The following GPR158 variants were observed in gnomAD, a reference collection of about 807,000 sequenced individuals.
GPR158 encodes the protein metabotropic glycine receptor.
A neutral mutation model predicts 78.2 loss-of-function variants in GPR158; 30 were observed. The observed-to-expected ratio is 0.38, with a 90% CI of 0.29 to 0.52. GPR158 has a LOEUF of 0.52. Ranked by LOEUF, GPR158 falls within the 20% of genes least tolerant of loss-of-function variation. GPR158 has a pLI of 0.83. For missense variants in GPR158, 1,463 were observed against 1,523.5 expected, an observed-to-expected ratio of 0.96 and a Z score of 0.66; for synonymous variants, 581 against 591.1, an observed-to-expected ratio of 0.98 and a Z score of 0.25.
chr10:25,429,015 G>A (rs1165193864), intron 4 of GPR158, among the ~76,000 whole-genome samples: 1 of 151,922 alleles, frequency 6.6e-6, no homozygotes, highest in African/African-American at 2.4e-5. Flanking sequence ...AAATCAGCAT[G>A]GCCAATGGAA....
intron 4 of GPR158, among the ~76,000 whole-genome samples, chr10:25,417,271 C>T (rs569328998): frequency 2.0e-5 from 3 of 152,280 alleles, no homozygotes; most frequent in African/African-American, 7.2e-5. Context: ...AAATACAGCA[C>T]AGGCAAATCA....
chr10:25,580,575 A>G (rs1254021377), intron 7 of GPR158, among the ~76,000 whole-genome samples: 1 of 152,234 alleles, frequency 6.6e-6, no homozygotes, highest in Non-Finnish European at 1.5e-5. Flanking sequence ...TATAAGTGCC[A>G]TTTAATGAAT....
At chr10:25,441,005 T>C (rs953761628) in intron 4 of GPR158, among the ~76,000 whole-genome samples, 7 of 152,118 alleles carry the variant, frequency 4.6e-5, no homozygotes, top group African/African-American at 1.7e-4. Context: ...ATAAAAAGGA[T>C]AGGGAAGCAA....
intron 4 of GPR158, among the ~76,000 whole-genome samples, chr10:25,436,199 A>G (rs112839287): frequency 0.012 from 1,898 of 152,342 alleles, 37 homozygotes; most frequent in African/African-American, 0.043. Context: ...CCGGTGTTAC[A>G]TGAGACATGT....
chr10:25,278,408 G>A (rs1854216698), intron 2 of GPR158, among the ~76,000 whole-genome samples: 1 of 152,010 alleles, frequency 6.6e-6, no homozygotes, highest in Non-Finnish European at 1.5e-5. Context: ...AAAAATATGA[G>A]CGATTAAGAT....
chr10:25,428,636 T>C (rs1386486109), intron 4 of GPR158, among the ~76,000 whole-genome samples: 1 of 152,088 alleles, frequency 6.6e-6, no homozygotes, highest in Non-Finnish European at 1.5e-5. Flanking sequence ...ATATCCTATG[T>C]GTATTTGAAG....
intron 7 of GPR158, among the ~76,000 whole-genome samples, chr10:25,577,043 T>A (rs1368235675): frequency 6.6e-6 from 1 of 151,702 alleles, no homozygotes; most frequent in African/African-American, 2.4e-5. Context: ...TCTTAAGACA[T>A]CTGAGACATG....
intron 2 of GPR158, among the ~76,000 whole-genome samples, chr10:25,290,802 A>T (rs1854424393): frequency 6.6e-6 from 1 of 152,084 alleles, no homozygotes; most frequent in Admixed American, 6.5e-5. Flanking sequence ...TAGATAACTA[A>T]CTGTTACATT....
chr10:25,417,549 T>G (rs1384247113), intron 4 of GPR158, among the ~76,000 whole-genome samples: 1 of 152,198 alleles, frequency 6.6e-6, no homozygotes, highest in Non-Finnish European at 1.5e-5. Flanking sequence ...ATCCTTCATA[T>G]AAACTTTTAT....
chr10:25,366,546 A>T (rs1283163209), intron 2 of GPR158, among the ~76,000 whole-genome samples: 2 of 151,692 alleles, frequency 1.3e-5, no homozygotes, highest in African/African-American at 4.8e-5. Context: ...TAATTACCTC[A>T]CGTATATATC....
Position 25,213,723 on chromosome 10 carries a change from C to T in GPR158, c.903-7329C>T, listed in dbSNP as rs376603009. Among the ~76,000 whole-genome samples, 22 of 152,116 alleles carry T rather than the reference C, an allele frequency of 1.4e-4. No homozygotes were observed. In the East Asian group the frequency reaches 2.7e-3, roughly 19 times the overall value. On this transcript the variant is annotated intron_variant, in intron 1 of 10. Transcript: ENST00000376351. ...AATTCGTATATAAAGCCATCTAGGC[C>T]TGAAGTTTTCAGGGAAGGGAATGAT...
chr10:25,262,233 T>A (rs180757333), intron 2 of GPR158, among the ~76,000 whole-genome samples: 2 of 152,292 alleles, frequency 1.3e-5, no homozygotes, highest in African/African-American at 4.8e-5. Flanking sequence ...AGTGGAGGTC[T>A]GGAATGCTTT....
intron 1 of GPR158, among the ~76,000 whole-genome samples, chr10:25,212,361 G>A (rs934887326): frequency 6.6e-6 from 1 of 152,062 alleles, no homozygotes; most frequent in African/African-American, 2.4e-5. Context: ...TGGACAACCG[G>A]AACTTACGAG....
chr10:25,352,083 C>T (rs1855481313), intron 2 of GPR158, among the ~76,000 whole-genome samples: 1 of 151,960 alleles, frequency 6.6e-6, no homozygotes. Flanking sequence ...ATCAGAAACC[C>T]CTGCAACCTC....
intron 2 of GPR158, among the ~76,000 whole-genome samples, chr10:25,324,827 C>CTT (rs1855005339): frequency 8.8e-6 from 1 of 113,762 alleles, no homozygotes; most frequent in Non-Finnish European, 1.7e-5. Flanking sequence ...TTTCTTTTTT[C>CTT]TTTCTTTTTT....
chr10:25,187,086 TCCCGAGTATCTAGGACTACAGGCG>T (rs1380313894), intron 1 of GPR158, among the ~76,000 whole-genome samples: 2 of 149,818 alleles, frequency 1.3e-5, no homozygotes, highest in African/African-American at 4.9e-5. Flanking sequence ...TGCCTCAGCC[TCCCGAGTATCTAGGACTACAGGCG>T]CCCGCCATCA....
At chr10:25,332,118 G>A (rs7912976) in intron 2 of GPR158, among the ~76,000 whole-genome samples, 2,331 of 152,042 alleles carry the variant, frequency 0.015, 70 homozygotes, top group African/African-American at 0.053. Context: ...ATCACCTGGG[G>A]GGGGGCGAAT....
intron 8 of GPR158, among the ~76,000 whole-genome samples, chr10:25,592,666 G>A (rs533718860): frequency 1.9e-4 from 29 of 152,012 alleles, no homozygotes; most frequent in South Asian, 1.0e-3. Flanking sequence ...TTATGTGCAA[G>A]CATTTTTCCT....
intron 2 of GPR158, among the ~76,000 whole-genome samples, chr10:25,394,946 A>G (rs1311555525): frequency 6.6e-6 from 1 of 152,162 alleles, no homozygotes; most frequent in Non-Finnish European, 1.5e-5. Flanking sequence ...ACTAGATTCT[A>G]AGTTCCTTTA....
Sources: allele counts gnomAD v4.1 joint callset (sites outside exome capture counted in the v4.1 genomes callset), GRCh38; gene constraint gnomAD v4.1.1; transcripts MANE v1.5; gene names NCBI Gene and HGNC (gene_info 2026-07-23, HGNC 2026-07-21).